PSD3: variants seen among roughly 807,000 people sequenced by gnomAD.
PSD3 encodes the protein PH and SEC7 domain-containing protein 3.
A neutral mutation model predicts 105.5 loss-of-function variants in PSD3; 49 were observed. The observed-to-expected ratio is 0.46, with a 90% CI of 0.37 to 0.59. The LOEUF is 0.59. Among genes scored for constraint, PSD3 ranks in the 20% least tolerant of loss-of-function variants. The probability of loss-of-function intolerance (pLI) is 0.00; values close to 1 mark genes in which losing one functional copy is unlikely to be tolerated. For missense variants in PSD3, 1,561 were observed against 1,263.8 expected, an observed-to-expected ratio of 1.24 and a Z score of -3.57; for synonymous variants, 557 against 457.8, an observed-to-expected ratio of 1.22 and a Z score of -2.77.
chr8:18,949,171 G>A (rs1329879793), intron 1 of PSD3, among the ~76,000 whole-genome samples: 8 of 127,020 alleles, frequency 6.3e-5, no homozygotes, highest in Admixed American at 1.8e-4. Flanking sequence ...GCAGTGAGCC[G>A]AGATTGTGCC....
At chr8:18,647,461 T>C (rs567674647) in intron 10 of PSD3, among the ~76,000 whole-genome samples, 1 of 152,298 alleles carries the variant, frequency 6.6e-6, no homozygotes, top group Non-Finnish European at 1.5e-5. Context: ...GAAAGATTAT[T>C]CCACGATGCA....
At chr8:18,711,432 G>A (rs1352709334) in intron 9 of PSD3, among the ~76,000 whole-genome samples, 2 of 152,126 alleles carry the variant, frequency 1.3e-5, no homozygotes, top group Non-Finnish European at 2.9e-5. Flanking sequence ...AAAATAAATG[G>A]AGGGAGGAAA....
intron 1 of PSD3, among the ~76,000 whole-genome samples, chr8:18,979,013 T>C (rs1396487297): frequency 6.6e-6 from 1 of 152,208 alleles, no homozygotes; most frequent in Non-Finnish European, 1.5e-5. Context: ...GAGTTCGCTA[T>C]ATGACCTCAC....
chr8:18,842,315 G>A (rs1342236102), intron 4 of PSD3, among the ~76,000 whole-genome samples: 5 of 152,204 alleles, frequency 3.3e-5, no homozygotes, highest in African/African-American at 1.2e-4. Flanking sequence ...TAACCCTTTT[G>A]CGCTGTAGAG....
intron 4 of PSD3, chr8:18,808,686 T>C (rs891941998): frequency 1.9e-6 from 3 of 1,598,122 alleles, no homozygotes; most frequent in Non-Finnish European, 2.6e-6. Flanking sequence ...AGGAGATTAT[T>C]TGAACAAGAA....
At chr8:18,600,907 G>A (rs1352536371) in intron 11 of PSD3, among the ~76,000 whole-genome samples, 4 of 152,136 alleles carry the variant, frequency 2.6e-5, no homozygotes, top group African/African-American at 9.7e-5. Context: ...ACCACTTTTG[G>A]CATTTCTCCC....
chr8:18,642,077 T>A (rs970461607), intron 10 of PSD3, among the ~76,000 whole-genome samples: 2 of 152,110 alleles, frequency 1.3e-5, no homozygotes, highest in African/African-American at 4.8e-5. Flanking sequence ...CCAAGAAAAA[T>A]GCTGCCAGAT....
intron 9 of PSD3, among the ~76,000 whole-genome samples, chr8:18,680,278 T>C (rs1455341154): frequency 2.0e-5 from 3 of 152,208 alleles, no homozygotes; most frequent in Admixed American, 1.3e-4. Context: ...TCCATATCCA[T>C]GGGTTTTGAA....
At chr8:18,772,893 G>C (rs1235588487) in intron 8 of PSD3, among the ~76,000 whole-genome samples, 1 of 152,142 alleles carries the variant, frequency 6.6e-6, no homozygotes, top group Non-Finnish European at 1.5e-5. Flanking sequence ...TTGATTTTTA[G>C]ATGTGGAAAT....
At chr8:18,783,983 C>A (rs1049310698) in intron 8 of PSD3, among the ~76,000 whole-genome samples, 1 of 152,054 alleles carries the variant, frequency 6.6e-6, no homozygotes, top group Non-Finnish European at 1.5e-5. Context: ...TTTTTTTGGA[C>A]CTATTGGTTA....
In PSD3 at chr8:18,936,081, T is replaced by G. The variant is rs746539138; in HGVS notation, c.83A>C (p.Lys28Thr). 1 of 1,613,418 alleles carries G rather than the reference T, an allele frequency of 6.2e-7. No homozygotes were observed. The highest frequency in any genetic ancestry group is 8.5e-7 in the Non-Finnish European group (1 of 1,179,868). The change falls in exon 2 of 16, where the codon AAA (lysine) becomes ACA (threonine). Residue 28 changes from lysine to threonine, a missense_variant. Transcript: ENST00000327040. ...AGATCTGCCAAATAAAAATTCATAT[T>G]TGGCCTTGGCAACACTCTGGGAATG... ...SAHSQSVAKAKYEFLFGRSEG... is the reference protein window; with the variant it reads ...SAHSQSVAKATYEFLFGRSEG...
rs1045702535 is a variant in PSD3, at chr8:18,935,939, G to T, written c.130+95C>A. ...AATTAGGGAAAGCAGGTTTCACAGA[G>T]GGAAGAAGAAAGTAATGCAGGTGGA... is the stretch of plus-strand genomic sequence containing the variant. On this transcript the variant is annotated intron_variant, in intron 2 of 15. Transcript: ENST00000327040. 6.9e-6 allele frequency: 5 copies of T among 725,308 alleles called. No individual in the cohort carries two copies. In the African/African-American group the frequency reaches 8.7e-5, roughly 13 times the overall value. The allele number at this position is 725,308 out of a possible 1,614,324, so 44.9% of individuals were successfully genotyped here.
chr8:18,771,919 G>A (rs190073457), intron 8 of PSD3, among the ~76,000 whole-genome samples: 7 of 152,038 alleles, frequency 4.6e-5, no homozygotes, highest in African/African-American at 1.4e-4. Flanking sequence ...TGTAACCAAC[G>A]TTCTACTTTC....
intron 1 of PSD3, among the ~76,000 whole-genome samples, chr8:19,072,716 T>C (rs1829311218): frequency 6.6e-6 from 1 of 152,064 alleles, no homozygotes; most frequent in Admixed American, 6.6e-5. Context: ...TGAGCCAAAA[T>C]TCGGGTGGAT....
intron 11 of PSD3, among the ~76,000 whole-genome samples, chr8:18,612,461 C>T (rs1805336361): frequency 6.6e-6 from 1 of 151,842 alleles, no homozygotes; most frequent in Admixed American, 6.6e-5. Flanking sequence ...CAACCTCCAC[C>T]TCCTGGGTTC....
Position 18,911,689 on chromosome 8 carries a change from T to TA in PSD3, c.130+24344_130+24345insT, listed in dbSNP as rs575237327. Reference sequence around the variant, plus strand: ...GAAAATGAAATCTTTATGTTTGCTTTCCAAACAGCATTTTCATTTTTTATA... The same window carrying TA: ...GAAAATGAAATCTTTATGTTTGCTTTACCAAACAGCATTTTCATTTTTTATA... On this transcript the variant is annotated intron_variant, in intron 2 of 15. Coordinates refer to ENST00000327040, the MANE Select transcript of PSD3 (RefSeq NM_015310.4). Among the ~76,000 whole-genome samples, 15 of 152,316 alleles carry TA rather than the reference T, an allele frequency of 9.8e-5. No individual in the cohort carries two copies. In the South Asian group the frequency reaches 2.7e-3, roughly 27 times the overall value.
intron 8 of PSD3, among the ~76,000 whole-genome samples, chr8:18,770,275 G>C (rs908413048): frequency 2.0e-5 from 3 of 152,042 alleles, no homozygotes; most frequent in Non-Finnish European, 4.4e-5. Flanking sequence ...GTCTTCTTTA[G>C]AGAAAGGCCT....
At chr8:18,879,915 G>A (rs1818007810) in intron 2 of PSD3, among the ~76,000 whole-genome samples, 1 of 152,116 alleles carries the variant, frequency 6.6e-6, no homozygotes, top group Non-Finnish European at 1.5e-5. Context: ...TCATTGCTAA[G>A]AGCAGTAATG....
chr8:18,777,155 G>A (rs1394572705), intron 8 of PSD3, among the ~76,000 whole-genome samples: 2 of 151,980 alleles, frequency 1.3e-5, no homozygotes, highest in Non-Finnish European at 2.9e-5. Context: ...CAATTCTTGT[G>A]CCTCAGCCTC....
Sources: gnomAD v4.1 joint callset for allele counts (sites outside exome capture counted in the v4.1 genomes callset) on GRCh38, gnomAD v4.1.1 for gene constraint, MANE v1.5 for transcripts, NCBI Gene and HGNC (gene_info 2026-07-23, HGNC 2026-07-21) for gene names.